OR4L1: variants seen among roughly 807,000 people sequenced by gnomAD.
OR4L1 encodes olfactory receptor family 4 subfamily L member 1.
For missense variants in OR4L1, 446 were observed against 368.5 expected (o/e 1.21, Z -1.72); for synonymous variants, 156 against 135.3 (o/e 1.15, Z -1.06).
chr14:20,060,822 T>C lies in OR4L1; in HGVS notation c.778T>C (p.Trp260Arg). 1.9e-6 allele frequency: 3 copies of C among 1,612,926 alleles called. No homozygotes were observed. The highest frequency in any genetic ancestry group is 2.5e-6 in the Non-Finnish European group (3 of 1,179,504). The change falls in exon 1 of 1, where the codon TGG (tryptophan) becomes CGG (arginine). Residue 260 changes from tryptophan to arginine, a missense_variant. Physicochemically the swap from Trp to Arg is moderately radical, Grantham distance 101. Transcript: ENST00000315683. ...TGGACCTTGTATTTTTATCTATGTTTGGCCATTCAGTAGTTTGGCAAGCAA... is the reference window on the plus strand; with the variant it reads ...TGGACCTTGTATTTTTATCTATGTTCGGCCATTCAGTAGTTTGGCAAGCAA... The part of the protein sequence containing the change: ...FFGPCIFIYV[W>R]PFSSLASNKT...
In OR4L1 at chr14:20,060,699, A is replaced by G. The variant is rs777553235; in HGVS notation, c.655A>G (p.Ile219Val). Reference protein sequence around the residue: ...TCFILLLVSYIVILVSVPKKS... With the variant: ...TCFILLLVSYVVILVSVPKKS... ...TTTCATCCTCTTGCTTGTTTCTTAC[A>G]TTGTCATCCTGGTCAGTGTACCAAA... Residue 219 changes from isoleucine to valine, a missense_variant, in exon 1 of 1, where the codon ATT becomes GTT. Transcript: ENST00000315683. 6.8e-6 allele frequency: 11 copies of G among 1,613,702 alleles called. No homozygotes were observed. The African/African-American group carries it at 9.3e-5, about 14-fold the overall frequency.
At position 20,060,102 on chromosome 14, in the gene OR4L1, C is replaced by T. The variant is rs201125507; in HGVS notation, c.58C>T (p.Arg20Ter). The T allele has an allele frequency of 4.1e-5, 65 of 1,573,068 alleles. No homozygotes were observed. Among genetic ancestry groups the T allele is most frequent in the South Asian group, 1.1e-4 (9 of 80,442 alleles). Residue 20 changes from arginine (R) to a stop codon, truncating the protein, a stop_gained, in exon 1 of 1, where the codon CGA becomes TGA. Transcript: ENST00000315683. LOFTEE classifies it low-confidence loss of function (END_TRUNC). Reference sequence around the variant, plus strand: ...GTTTATTTTACTAGGATTTTTTGGACGATGGGAACTTCAAATTTTCTTCTT... The same window carrying T: ...GTTTATTTTACTAGGATTTTTTGGATGATGGGAACTTCAAATTTTCTTCTT... ...TEFILLGFFG[R>*]WELQIFFFVT...
Position 20,060,478 on chromosome 14 carries a change from C to G in OR4L1, c.434C>G (p.Ala145Gly). The G allele has an allele frequency of 1.2e-6, 2 of 1,613,488 alleles. No individual in the cohort carries two copies. The highest frequency in any genetic ancestry group is 1.7e-6 in the Non-Finnish European group (2 of 1,179,666). The change falls in exon 1 of 1, where the codon GCG becomes GGG. Residue 145 changes from alanine (A) to glycine (G), a missense_variant. Coordinates refer to ENST00000315683, the MANE Select transcript of OR4L1 (RefSeq NM_001004717.1). ...IMSHKLLKGFAILSWIIGFLH... is the reference protein window; with the variant it reads ...IMSHKLLKGFGILSWIIGFLH... The stretch of plus-strand genomic sequence containing the variant: ...AGCCACAAGCTGCTAAAGGGGTTTG[C>G]GATACTTTCATGGATAATTGGTTTT...
Position 20,060,818 on chromosome 14 carries a change from TGTTTGGCCATTCAGTA to T in OR4L1, c.782_797del (p.Pro261GlnfsTer17). ...TCTTTGGACCTTGTATTTTTATCTA[TGTTTGGCCATTCAGTA>T]GTTTGGCAAGCAATAAAACTCTTGC... On this transcript the variant is annotated frameshift_variant, in exon 1 of 1. Transcript: ENST00000315683. LOFTEE classifies it low-confidence loss of function (END_TRUNC). The T allele has an allele frequency of 6.2e-7, 1 of 1,612,918 alleles. No individual in the cohort carries two copies. The highest frequency in any genetic ancestry group is 8.5e-7 in the Non-Finnish European group (1 of 1,179,528).
Position 20,060,413 on chromosome 14 carries a change from T to C in OR4L1, c.369T>C (p.Tyr123=). Residue 123 remains tyrosine (Y), a synonymous_variant, in exon 1 of 1, where the codon TAT becomes TAC. Coordinates refer to ENST00000315683, the MANE Select transcript of OR4L1 (RefSeq NM_001004717.1). ...TLLIIMAFDR[Y]VAICKPLHYR... ...TGATAATCATGGCCTTTGACAGGTATGTAGCCATATGTAAACCCCTGCACT... is the reference window on the plus strand; with the variant it reads ...TGATAATCATGGCCTTTGACAGGTACGTAGCCATATGTAAACCCCTGCACT... 6 of 1,611,164 alleles carry C rather than the reference T, an allele frequency of 3.7e-6. No individual in the cohort carries two copies. Among genetic ancestry groups the C allele is most frequent in the South Asian group, 2.2e-5 (2 of 90,466 alleles).
rs750548196 is a variant in OR4L1 at position 20,060,686 on chromosome 14, G to T, written c.642G>T (p.Leu214Phe). The T allele has an allele frequency of 1.5e-5, 24 of 1,613,700 alleles. No individual in the cohort carries two copies. Among genetic ancestry groups the T allele is most frequent in the Non-Finnish European group, 1.9e-5 (23 of 1,179,894 alleles). ...TCTCTTTCACCTGTTTCATCCTCTT[G>T]CTTGTTTCTTACATTGTCATCCTGG... is the stretch of plus-strand genomic sequence containing the variant. ...GLLSFTCFIL[L>F]LVSYIVILVS... Residue 214 changes from leucine to phenylalanine, a missense_variant, in exon 1 of 1, where the codon TTG becomes TTT. Physicochemically the swap from Leu to Phe is conservative, Grantham distance 22 (BLOSUM62 0). Coordinates refer to ENST00000315683, the MANE Select transcript of OR4L1 (RefSeq NM_001004717.1).
At position 20,060,710 on chromosome 14, in the gene OR4L1, G is replaced by A; in HGVS notation, c.666G>A (p.Leu222=). 6.2e-6 allele frequency: 10 copies of A among 1,613,712 alleles called. No individual in the cohort carries two copies. Among genetic ancestry groups the A allele is most frequent in the East Asian group, 2.2e-5 (1 of 44,870 alleles). The change falls in exon 1 of 1, where the codon CTG becomes CTA. Residue 222 remains leucine, a synonymous_variant. Coordinates refer to ENST00000315683, the MANE Select transcript of OR4L1 (RefSeq NM_001004717.1). ...ILLLVSYIVI[L]VSVPKKSSHG... ...TGCTTGTTTCTTACATTGTCATCCT[G>A]GTCAGTGTACCAAAAAAATCATCAC...
chr14:20,060,764 G>A lies in OR4L1; in HGVS notation c.720G>A (p.Leu240=), dbSNP rs1275396012. ...SHGLSKALST[L]SAHIIVVTLF... is the part of the protein sequence containing the mutation. ...GGCTCTCCAAGGCGCTGTCCACATT[G>A]TCTGCCCACATCATTGTGGTCACTC... The change falls in exon 1 of 1, where the codon TTG becomes TTA. Residue 240 remains leucine (L), a synonymous_variant. Transcript: ENST00000315683. 6.2e-7 allele frequency: 1 copy of A among 1,612,886 alleles called. No individual in the cohort carries two copies. Among genetic ancestry groups the A allele is most frequent in the East Asian group, 2.2e-5 (1 of 44,858 alleles).
chr14:20,060,258 T>C lies in OR4L1; in HGVS notation c.214T>C (p.Cys72Arg). 1 of 1,609,236 alleles carries C rather than the reference T, an allele frequency of 6.2e-7. No homozygotes were observed. Among genetic ancestry groups the C allele is most frequent in the South Asian group, 1.1e-5 (1 of 90,148 alleles). ...LLGNLSFLDM[C>R]LSTATTPKMI... is the part of the protein sequence containing the mutation. ...TGGAAATCTCTCTTTTTTGGACATG[T>C]GTCTCTCCACTGCCACAACACCCAA... The change falls in exon 1 of 1, where the codon TGT (cysteine) becomes CGT (arginine). Residue 72 changes from cysteine to arginine, a missense_variant. Cys to Arg is a radical substitution (Grantham distance 180). Transcript: ENST00000315683.
At position 20,060,817 on chromosome 14, in the gene OR4L1, A is replaced by G. The variant is rs571930929; in HGVS notation, c.773A>G (p.Tyr258Cys). 7.1e-5 allele frequency: 114 copies of G among 1,612,610 alleles called. No homozygotes were observed. The South Asian group carries it at 1.1e-3, about 15-fold the overall frequency. Reference sequence around the variant, plus strand: ...TTCTTTGGACCTTGTATTTTTATCTATGTTTGGCCATTCAGTAGTTTGGCA... The same window carrying G: ...TTCTTTGGACCTTGTATTTTTATCTGTGTTTGGCCATTCAGTAGTTTGGCA... Reference protein sequence around the residue: ...TLFFGPCIFIYVWPFSSLASN... With the variant: ...TLFFGPCIFICVWPFSSLASN... Residue 258 changes from tyrosine (Y) to cysteine (C), a missense_variant, in exon 1 of 1, where the codon TAT (tyrosine) becomes TGT (cysteine). By Grantham distance (194) the Tyr-to-Cys change is radical. Coordinates refer to ENST00000315683, the MANE Select transcript of OR4L1 (RefSeq NM_001004717.1).
chr14:20,060,423 T>C lies in OR4L1; in HGVS notation c.379T>C (p.Cys127Arg), dbSNP rs574578452. Residue 127 changes from cysteine to arginine, a missense_variant, in exon 1 of 1, where the codon TGT (cysteine) becomes CGT (arginine). By Grantham distance (180) the Cys-to-Arg change is radical. Transcript: ENST00000315683. ...IMAFDRYVAI[C>R]KPLHYRTIMS... ...GGCCTTTGACAGGTATGTAGCCATA[T>C]GTAAACCCCTGCACTATAGGACAAT... 12 of 1,612,370 alleles carry C rather than the reference T, an allele frequency of 7.4e-6. No individual in the cohort carries two copies. The South Asian group carries it at 1.3e-4, about 18-fold the overall frequency.
rs114515553 is a variant in OR4L1, at chr14:20,060,446, A to C, written c.402A>C (p.Thr134=). 1.9e-3 allele frequency: 3,058 copies of C among 1,613,648 alleles called. 50 individuals are homozygous for C. In the African/African-American group the frequency reaches 0.035, roughly 19 times the overall value. Residue 134 remains threonine (T), a synonymous_variant, in exon 1 of 1, where the codon ACA becomes ACC. Coordinates refer to ENST00000315683, the MANE Select transcript of OR4L1 (RefSeq NM_001004717.1). ...VAICKPLHYR[T]IMSHKLLKGF... is the part of the protein sequence containing the mutation. Reference sequence around the variant, plus strand: ...TATGTAAACCCCTGCACTATAGGACAATCATGAGCCACAAGCTGCTAAAGG... The same window carrying C: ...TATGTAAACCCCTGCACTATAGGACCATCATGAGCCACAAGCTGCTAAAGG...
Position 20,060,222 on chromosome 14 carries a change from T to G in OR4L1, c.178T>G (p.Tyr60Asp). The G allele has an allele frequency of 6.2e-7, 1 of 1,607,002 alleles. No homozygotes were observed. The highest frequency in any genetic ancestry group is 1.1e-5 in the South Asian group (1 of 89,758). ...TCRSTLHSPLYFLLGNLSFLD... is the reference protein window; with the variant it reads ...TCRSTLHSPLDFLLGNLSFLD... ...TAGGTCAACCCTTCATTCTCCCTTGTACTTTCTCCTTGGAAATCTCTCTTT... is the reference window on the plus strand; with the variant it reads ...TAGGTCAACCCTTCATTCTCCCTTGGACTTTCTCCTTGGAAATCTCTCTTT... The change falls in exon 1 of 1, where the codon TAC becomes GAC. Residue 60 changes from tyrosine (Y) to aspartate (D), a missense_variant. Tyr to Asp is a radical substitution (Grantham distance 160). Transcript: ENST00000315683.
At position 20,060,168 on chromosome 14, in the gene OR4L1, A is replaced by G. The variant is rs769561585; in HGVS notation, c.124A>G (p.Asn42Asp). The change falls in exon 1 of 1, where the codon AAC (asparagine) becomes GAC (aspartate). Residue 42 changes from asparagine (N) to aspartate (D), a missense_variant. Physicochemically the swap from Asn to Asp is conservative, Grantham distance 23. Transcript: ENST00000315683. ...SLIYGATVMG[N>D]ILIMVTVTCR... ...GATCTACGGTGCTACTGTGATGGGA[A>G]ACATTCTCATTATGGTCACAGTGAC... The G allele has an allele frequency of 1.3e-5, 21 of 1,606,288 alleles. No homozygotes were observed. The highest frequency in any genetic ancestry group is 1.6e-5 in the Non-Finnish European group (19 of 1,175,046).
chr14:20,060,053 T>C lies in OR4L1; in HGVS notation c.9T>C (p.Leu3=), dbSNP rs756664072. The change falls in exon 1 of 1, where the codon CTT becomes CTC. Residue 3 remains leucine (L), a synonymous_variant. Transcript: ENST00000315683. MD[L]KNGSLVTEFI... is the part of the protein sequence containing the mutation. Reference sequence around the variant, plus strand: ...CTTTCTGAGTTGAGTAAATGGATCTTAAAAATGGATCTCTAGTGACCGAGT... The same window carrying C: ...CTTTCTGAGTTGAGTAAATGGATCTCAAAAATGGATCTCTAGTGACCGAGT... 24 of 1,492,506 alleles carry C rather than the reference T, an allele frequency of 1.6e-5. No homozygotes were observed. The highest frequency in any genetic ancestry group is 2.2e-5 in the Non-Finnish European group (24 of 1,115,990). 92.5% of individuals were successfully genotyped at this position (1,492,506 alleles called of 1,614,324 possible). A position where few individuals can be genotyped will look rare whatever the true frequency, so the allele number is the denominator to read the frequency against.
At position 20,060,135 on chromosome 14, in the gene OR4L1, T is replaced by C. The variant is rs759660886; in HGVS notation, c.91T>C (p.Phe31Leu). 6.3e-7 allele frequency: 1 copy of C among 1,593,690 alleles called. No individual in the cohort carries two copies. The highest frequency in any genetic ancestry group is 8.5e-7 in the Non-Finnish European group (1 of 1,172,522). ...WELQIFFFVT[F>L]SLIYGATVMG... ...ACTTCAAATTTTCTTCTTTGTGACA[T>C]TTTCCCTGATCTACGGTGCTACTGT... Residue 31 changes from phenylalanine to leucine, a missense_variant, in exon 1 of 1, where the codon TTT becomes CTT. Coordinates refer to ENST00000315683, the MANE Select transcript of OR4L1 (RefSeq NM_001004717.1).
At position 20,060,360 on chromosome 14, in the gene OR4L1, T is replaced by C. The variant is rs202195935; in HGVS notation, c.316T>C (p.Phe106Leu). The change falls in exon 1 of 1, where the codon TTC (phenylalanine) becomes CTC (leucine). Residue 106 changes from phenylalanine (F) to leucine (L), a missense_variant. Physicochemically the swap from Phe to Leu is conservative, Grantham distance 22. Coordinates refer to ENST00000315683, the MANE Select transcript of OR4L1 (RefSeq NM_001004717.1). ...GCVTQMFFMH[F>L]FGGAEMTLLI... is the part of the protein sequence containing the mutation. ...CGTGACCCAGATGTTCTTCATGCAC[T>C]TCTTTGGGGGTGCTGAGATGACTCT... 2.3e-5 allele frequency: 37 copies of C among 1,602,786 alleles called. No individual in the cohort carries two copies. The highest frequency in any genetic ancestry group is 8.0e-5 in the African/African-American group (6 of 74,712).
chr14:20,060,330 G>A lies in OR4L1; in HGVS notation c.286G>A (p.Gly96Ser). The change falls in exon 1 of 1, where the codon GGC (glycine) becomes AGC (serine). Residue 96 changes from glycine (G) to serine (S), a missense_variant. Gly to Ser is a moderately conservative substitution (Grantham distance 56). Transcript: ENST00000315683. ...LTDHKTISVW[G>S]CVTQMFFMHF... The stretch of plus-strand genomic sequence containing the variant: ...TGACCACAAGACCATCTCTGTGTGG[G>A]GCTGCGTGACCCAGATGTTCTTCAT... The A allele has an allele frequency of 1.2e-6, 2 of 1,600,084 alleles. No individual in the cohort carries two copies. Among genetic ancestry groups the A allele is most frequent in the Non-Finnish European group, 8.5e-7 (1 of 1,174,038 alleles).
Position 20,060,446 on chromosome 14 carries a change from A to T in OR4L1, c.402A>T (p.Thr134=). The T allele has an allele frequency of 1.9e-6, 3 of 1,613,664 alleles. No individual in the cohort carries two copies. The highest frequency in any genetic ancestry group is 2.5e-6 in the Non-Finnish European group (3 of 1,179,790). The change falls in exon 1 of 1, where the codon ACA becomes ACT. Residue 134 remains threonine, a synonymous_variant. Coordinates refer to ENST00000315683, the MANE Select transcript of OR4L1 (RefSeq NM_001004717.1). ...TATGTAAACCCCTGCACTATAGGAC[A>T]ATCATGAGCCACAAGCTGCTAAAGG... ...VAICKPLHYR[T]IMSHKLLKGF...
Sources: allele counts gnomAD v4.1 joint callset, GRCh38; gene constraint gnomAD v4.1.1; transcripts MANE v1.5; gene names NCBI Gene and HGNC (gene_info 2026-07-23, HGNC 2026-07-21).